Variants in DSCAM observed in about 807,000 individuals in gnomAD.
DSCAM encodes the protein DS cell adhesion molecule.
A neutral mutation model predicts 217.7 loss-of-function variants in DSCAM; 47 were observed. That is an observed-to-expected ratio of 0.22 (90% CI 0.17 to 0.28). The LOEUF (loss-of-function observed/expected upper bound fraction) is 0.28. Ranked by LOEUF, DSCAM falls within the 10% of genes least tolerant of loss-of-function variation. The probability of loss-of-function intolerance (pLI) is 1.00; values close to 1 mark genes in which losing one functional copy is unlikely to be tolerated. For missense variants in DSCAM, 2,080 were observed against 2,618.3 expected (o/e 0.79, Z 4.49); for synonymous variants, 1,056 against 1,015.3 (o/e 1.04, Z -0.76).
intron 3 of DSCAM, among the ~76,000 whole-genome samples, chr21:40,515,661 C>T (rs1247484307): frequency 6.6e-6 from 1 of 152,186 alleles, no homozygotes; most frequent in Admixed American, 6.5e-5. Context: ...TGACTCCTCA[C>T]TCAAAACAAA....
At chr21:40,188,941 G>A (rs1322116404) in intron 12 of DSCAM, 101 bp downstream of exon 12, 11 of 1,210,082 alleles carry the variant, frequency 9.1e-6, no homozygotes, top group Admixed American at 1.9e-5. Context: ...AATAAATTCC[G>A]AAAGATTATC....
At chr21:40,548,690 G>A (rs1016818267) in intron 3 of DSCAM, among the ~76,000 whole-genome samples, 4 of 151,910 alleles carry the variant, frequency 2.6e-5, no homozygotes, top group African/African-American at 9.7e-5. Flanking sequence ...AATAGAATGT[G>A]TTTGAAAGGC....
intron 9 of DSCAM, among the ~76,000 whole-genome samples, chr21:40,299,221 G>A (rs960236746): frequency 1.3e-5 from 2 of 152,142 alleles, no homozygotes; most frequent in Non-Finnish European, 1.5e-5. Flanking sequence ...TGCAACTTGA[G>A]ACCACCTTGA....
intron 3 of DSCAM, among the ~76,000 whole-genome samples, chr21:40,371,646 T>C (rs2074900150): frequency 6.6e-6 from 1 of 152,172 alleles, no homozygotes; most frequent in Non-Finnish European, 1.5e-5. Context: ...TTGTAATATC[T>C]AACATTTTTT....
chr21:40,784,240 G>C (rs1057385565), intron 1 of DSCAM, among the ~76,000 whole-genome samples: 1 of 152,062 alleles, frequency 6.6e-6, no homozygotes, highest in South Asian at 2.1e-4. Flanking sequence ...AATCATGGGG[G>C]CGGTTTCCCC....
At chr21:40,023,116 T>A (rs1366476940) in intron 32 of DSCAM, among the ~76,000 whole-genome samples, 2 of 149,554 alleles carry the variant, frequency 1.3e-5, no homozygotes, top group Non-Finnish European at 3.0e-5. Flanking sequence ...AGTGAGAATA[T>A]GTGGTGTTTG....
intron 3 of DSCAM, among the ~76,000 whole-genome samples, chr21:40,536,358 C>G (rs1160279026): frequency 1.3e-5 from 2 of 151,488 alleles, no homozygotes; most frequent in Non-Finnish European, 2.9e-5. Context: ...TTTTCCAATA[C>G]TCTACCAATG....
chr21:40,440,427 G>A (rs1016456192), intron 3 of DSCAM, among the ~76,000 whole-genome samples: 1 of 108,690 alleles, frequency 9.2e-6, no homozygotes, highest in African/African-American at 3.7e-5. Flanking sequence ...TTACAGACAC[G>A]GAAAGAGACA....
In DSCAM at chr21:40,603,245, G is replaced by C. The variant is rs560020534; in HGVS notation, c.508+89565C>G. 6.6e-4 allele frequency among the ~76,000 whole-genome samples: 101 copies of C among 152,194 alleles called. 2 individuals carry two copies. In the South Asian group the frequency reaches 0.021, roughly 31 times the overall value. ...TTCTTGAGATGTCTTTTATAGTCCA[G>C]AATATAGTCTTGGTGAATAGACCAT... On this transcript the variant is annotated intron_variant, in intron 3 of 32. Transcript: ENST00000400454.
At chr21:40,746,562 G>T (rs1033141462) in intron 1 of DSCAM, among the ~76,000 whole-genome samples, 1 of 151,806 alleles carries the variant, frequency 6.6e-6, no homozygotes, top group Non-Finnish European at 1.5e-5. Flanking sequence ...CCTCAAATAT[G>T]TAAGGAAAAC....
At chr21:40,148,809 T>C (rs1389703283) in intron 16 of DSCAM, among the ~76,000 whole-genome samples, 1 of 152,014 alleles carries the variant, frequency 6.6e-6, no homozygotes, top group East Asian at 1.9e-4. Context: ...ATAGCATCTC[T>C]ACCACTGACA....
In DSCAM at chr21:40,353,698, C is replaced by T. The variant is rs41395652; in HGVS notation, c.701G>A (p.Arg234His). ...APSILDGFDH[R>H]KAMAGQRVEL... ...CACACGCTGCCCAGCCATGGCTTTG[C>T]GATGGTCAAACCCATCCAGTATGGA... is the stretch of plus-strand genomic sequence containing the variant. Residue 234 changes from arginine to histidine, a missense_variant, in exon 5 of 33, where the codon CGC (arginine) becomes CAC (histidine). Arg to His is a conservative substitution (Grantham distance 29, BLOSUM62 0). This residue lies in a region of DSCAM where 568 missense variants were observed against 678.1 expected (regional missense o/e 0.84). Coordinates refer to ENST00000400454, the MANE Select transcript of DSCAM (RefSeq NM_001389.5). 63,838 of 1,603,912 alleles carry T rather than the reference C, an allele frequency of 0.04. 1,508 individuals carry two copies. Among genetic ancestry groups the T allele is most frequent in the Non-Finnish European group, 0.047 (55,295 of 1,177,226 alleles).
chr21:40,278,505 G>A (rs563520197), intron 10 of DSCAM, among the ~76,000 whole-genome samples: 1 of 152,074 alleles, frequency 6.6e-6, no homozygotes, highest in Non-Finnish European at 1.5e-5. Flanking sequence ...GACCAGGGTG[G>A]GGGCAAGACT....
intron 3 of DSCAM, among the ~76,000 whole-genome samples, chr21:40,622,780 G>C (rs113865687): frequency 1.3e-5 from 2 of 151,390 alleles, no homozygotes; most frequent in Admixed American, 6.6e-5. Flanking sequence ...CTTCCCAGTC[G>C]TGCTTTCCAC....
At chr21:40,475,920 G>T (rs184453429) in intron 3 of DSCAM, among the ~76,000 whole-genome samples, 1 of 152,116 alleles carries the variant, frequency 6.6e-6, no homozygotes, top group African/African-American at 2.4e-5. Flanking sequence ...GTGTAAGTTG[G>T]TATTTCATTC....
chr21:40,367,760 T>A (rs2837581), intron 4 of DSCAM, among the ~76,000 whole-genome samples: 73,635 of 151,980 alleles, frequency 0.48, 19,134 homozygotes, highest in South Asian at 0.65. Context: ...GAATGCTCAG[T>A]CTTATTCCTT....
At chr21:40,804,123 CAG>C (rs2091766147) in intron 1 of DSCAM, among the ~76,000 whole-genome samples, 1 of 152,150 alleles carries the variant, frequency 6.6e-6, no homozygotes, top group South Asian at 2.1e-4. Flanking sequence ...AGAATGGAGA[CAG>C]TGACCTGTGC....
chr21:40,014,288 A>C (rs1266532237), intron 32 of DSCAM, among the ~76,000 whole-genome samples: 1 of 152,176 alleles, frequency 6.6e-6, no homozygotes, highest in Non-Finnish European at 1.5e-5. Flanking sequence ...TACTGGGGAC[A>C]CTGAGGCAGG....
At chr21:40,772,371 G>A (rs958905649) in intron 1 of DSCAM, among the ~76,000 whole-genome samples, 5 of 152,176 alleles carry the variant, frequency 3.3e-5, no homozygotes, top group South Asian at 2.1e-4. Context: ...GTTTCACCAT[G>A]TTGGCCAGGC....
Sources: gnomAD v4.1 joint callset for allele counts (sites outside exome capture counted in the v4.1 genomes callset) on GRCh38, gnomAD v4.1.1 for gene constraint, gnomAD v4.1.1 regional missense constraint, MANE v1.5 for transcripts, NCBI Gene and HGNC (gene_info 2026-07-23, HGNC 2026-07-21) for gene names.